ESRRG: variants seen among roughly 807,000 people sequenced by gnomAD.
ESRRG encodes estrogen related receptor gamma, also known as estrogen-related receptor gamma.
A neutral mutation model predicts 44.0 loss-of-function variants in ESRRG; 13 were observed. The ratio of observed to expected loss-of-function variants is 0.30; its 90% CI spans 0.19 to 0.47. The LOEUF (loss-of-function observed/expected upper bound fraction) is 0.47, where lower values mean the gene tolerates loss of function less well. Ranked by LOEUF, ESRRG falls within the 20% of genes least tolerant of loss-of-function variation. ESRRG has a pLI of 1.00. For synonymous variants in ESRRG, 215 were observed against 214.6 expected (o/e 1.00, Z -0.02); for missense variants, 395 against 580.6 (o/e 0.68, Z 3.29).
chr1:217,084,525 C>G (rs950669124), intron 1 of ESRRG, among the ~76,000 whole-genome samples: 2 of 152,128 alleles, frequency 1.3e-5, no homozygotes, highest in African/African-American at 4.8e-5. Flanking sequence ...TATGGTTTAT[C>G]CTATTCCATT....
At chr1:216,515,339 G>A (rs1489303572) in intron 6 of ESRRG, among the ~76,000 whole-genome samples, 2 of 151,924 alleles carry the variant, frequency 1.3e-5, no homozygotes, top group Non-Finnish European at 2.9e-5. Context: ...TTCATCGGGG[G>A]GTTATTAGGA....
intron 1 of ESRRG, among the ~76,000 whole-genome samples, chr1:217,114,301 G>A (rs2092694594): frequency 6.6e-6 from 1 of 151,746 alleles, no homozygotes. Flanking sequence ...CACACCTGTG[G>A]TCTCTGTACA....
chr1:216,591,228 A>G (rs1213459033), intron 3 of ESRRG, among the ~76,000 whole-genome samples: 1 of 152,228 alleles, frequency 6.6e-6, no homozygotes, highest in African/African-American at 2.4e-5. Flanking sequence ...GAGTTCATCA[A>G]TGATGACCAT....
At chr1:217,125,540 C>A (rs2092878588) in intron 1 of ESRRG, among the ~76,000 whole-genome samples, 1 of 152,156 alleles carries the variant, frequency 6.6e-6, no homozygotes, top group African/African-American at 2.4e-5. Flanking sequence ...TTGGTCATTT[C>A]TTTTCCTCAA....
chr1:216,805,734 GAA>G (rs57697657), intron 2 of ESRRG, among the ~76,000 whole-genome samples: 9 of 136,136 alleles, frequency 6.6e-5, no homozygotes, highest in Admixed American at 3.0e-4. Flanking sequence ...TTTGTAATTG[GAA>G]AAAAAAAAAA....
intron 2 of ESRRG, among the ~76,000 whole-genome samples, chr1:216,657,742 T>C (rs1358200379): frequency 1.3e-5 from 2 of 151,988 alleles, no homozygotes; most frequent in East Asian, 3.9e-4. Flanking sequence ...ATAGTTAGAG[T>C]TGGCTCTTAT....
intron 2 of ESRRG, among the ~76,000 whole-genome samples, chr1:216,795,342 C>CTTTTTTTTTTTTTT: frequency 9.5e-6 from 1 of 105,442 alleles, no homozygotes; most frequent in Non-Finnish European, 1.8e-5. Context: ...TTTTCTTTTT[C>CTTTTTTTTTTTTTT]TTTTTTTTTT....
At chr1:217,032,263 CT>C (rs1396091203) in intron 1 of ESRRG, among the ~76,000 whole-genome samples, 1 of 152,228 alleles carries the variant, frequency 6.6e-6, no homozygotes, top group Non-Finnish European at 1.5e-5. Context: ...AAGTTCTCCA[CT>C]GACCATTCAG....
chr1:216,808,144 C>T (rs12753765), intron 2 of ESRRG, among the ~76,000 whole-genome samples: 1 of 152,058 alleles, frequency 6.6e-6, no homozygotes, highest in Admixed American at 6.5e-5. Context: ...GGAGGGGTCT[C>T]TTTGATGGAA....
intron 2 of ESRRG, among the ~76,000 whole-genome samples, chr1:216,920,451 C>G (rs1043429339): frequency 6.7e-6 from 1 of 149,188 alleles, no homozygotes; most frequent in African/African-American, 2.5e-5. Context: ...CAATTGTGTG[C>G]CTGCATTTGC....
intron 2 of ESRRG, among the ~76,000 whole-genome samples, chr1:216,795,137 A>G (rs1401783109): frequency 1.3e-5 from 2 of 152,168 alleles, no homozygotes; most frequent in Non-Finnish European, 2.9e-5. Context: ...AAGACTGCTT[A>G]CTTCTCAAAA....
chr1:216,816,437 G>A (rs1194643135), intron 2 of ESRRG, among the ~76,000 whole-genome samples: 1 of 152,086 alleles, frequency 6.6e-6, no homozygotes, highest in Non-Finnish European at 1.5e-5. Context: ...TTAAAAAAAA[G>A]AGCCACTGAT....
chr1:217,044,734 G>A (rs1055410272), intron 1 of ESRRG, among the ~76,000 whole-genome samples: 3 of 152,148 alleles, frequency 2.0e-5, no homozygotes, highest in Admixed American at 6.5e-5. Flanking sequence ...ACTTCCTGCC[G>A]AAAGCTTCAG....
intron 3 of ESRRG, among the ~76,000 whole-genome samples, chr1:216,636,659 A>G (rs1355573926): frequency 6.6e-6 from 1 of 152,194 alleles, no homozygotes; most frequent in Non-Finnish European, 1.5e-5. Flanking sequence ...TAGATTCTAG[A>G]ACTGCAAGTT....
chr1:217,120,622 C>T (rs913430356), intron 1 of ESRRG, among the ~76,000 whole-genome samples: 1 of 152,154 alleles, frequency 6.6e-6, no homozygotes. Context: ...ACTCTGCCAT[C>T]CACAGCCCCA....
chr1:216,592,168 T>C (rs551512423), intron 3 of ESRRG, among the ~76,000 whole-genome samples: 3 of 151,592 alleles, frequency 2.0e-5, no homozygotes, highest in Non-Finnish European at 4.4e-5. Flanking sequence ...GTCTGCAATC[T>C]TCAAAATTGC....
intron 3 of ESRRG, among the ~76,000 whole-genome samples, chr1:216,648,302 C>A (rs763116847): frequency 2.0e-5 from 3 of 152,042 alleles, no homozygotes; most frequent in Non-Finnish European, 4.4e-5. Flanking sequence ...CCCATCCTTT[C>A]GATTTGGTGG....
rs577727261 is a variant in ESRRG at position 217,021,173 on chromosome 1, G to A, written c.-106+68334C>T. On this transcript the variant is annotated intron_variant, in intron 1 of 7. Coordinates refer to the ESRRG transcript ENST00000359162. ...CTCTTTTTCTAATGATCCATCTGCT[G>A]TTCCTCACGTTCACAGACAACACTC... 2.0e-5 allele frequency among the ~76,000 whole-genome samples: 3 copies of A among 152,164 alleles called. No individual in the cohort carries two copies. The East Asian group carries it at 5.8e-4, about 29-fold the overall frequency.
intron 2 of ESRRG, among the ~76,000 whole-genome samples, chr1:216,760,146 C>A (rs530133414): frequency 2.0e-5 from 3 of 151,910 alleles, no homozygotes; most frequent in African/African-American, 7.3e-5. Flanking sequence ...GTCTCCCCAG[C>A]GCAAGGGACC....
Sources: gnomAD v4.1 joint callset for allele counts (sites outside exome capture counted in the v4.1 genomes callset) on GRCh38, gnomAD v4.1.1 for gene constraint, MANE v1.5 for transcripts, NCBI Gene and HGNC (gene_info 2026-07-23, HGNC 2026-07-21) for gene names.